ACAP2: variants seen among roughly 807,000 people sequenced by gnomAD.
ACAP2 encodes arf-GAP with coiled-coil, ANK repeat and PH domain-containing protein 2.
A neutral mutation model predicts 115.8 loss-of-function variants in ACAP2; 39 were observed. That is an observed-to-expected ratio of 0.34 (90% CI 0.26 to 0.44). The LOEUF (loss-of-function observed/expected upper bound fraction) is 0.44, where lower values mean the gene tolerates loss of function less well. Among genes scored for constraint, ACAP2 ranks in the 20% least tolerant of loss-of-function variants. The pLI, the probability that ACAP2 is intolerant of heterozygous loss-of-function variation, is 1.00. For synonymous variants in ACAP2, 289 were observed against 315.8 expected (o/e 0.92, Z 0.90); for missense variants, 662 against 927.6 (o/e 0.71, Z 3.72).
intron 22 of ACAP2, among the ~76,000 whole-genome samples, chr3:195,280,341 G>A (rs1726414636): frequency 6.6e-6 from 1 of 151,976 alleles, no homozygotes; most frequent in South Asian, 2.1e-4. Context: ...GCGTGGTGGT[G>A]GGCACCTGTA....
At chr3:195,384,597 C>T (rs1049121960) in intron 2 of ACAP2, among the ~76,000 whole-genome samples, 1 of 151,962 alleles carries the variant, frequency 6.6e-6, no homozygotes, top group Admixed American at 6.6e-5. Flanking sequence ...CATGGTGGTG[C>T]GCACCTGTAG....
intron 1 of ACAP2, among the ~76,000 whole-genome samples, chr3:195,400,511 A>G (rs1160305102): frequency 6.6e-6 from 1 of 152,122 alleles, no homozygotes; most frequent in African/African-American, 2.4e-5. Context: ...TTCCCTTAAA[A>G]AAAAAAAAAA....
chr3:195,290,996 A>C (rs1727214165), intron 20 of ACAP2, among the ~76,000 whole-genome samples: 1 of 152,126 alleles, frequency 6.6e-6, no homozygotes, highest in Non-Finnish European at 1.5e-5. Context: ...CCTAGGCAAC[A>C]GGGCGAGACC....
At position 195,377,138 on chromosome 3, in the gene ACAP2, C is replaced by CTTTTTTTTTTTTTTTTT. The variant is rs749352761; in HGVS notation, c.285+3854_285+3870dup. Among the ~76,000 whole-genome samples the CTTTTTTTTTTTTTTTTT allele has an allele frequency of 3.1e-4, 24 of 77,110 alleles. 5 individuals carry two copies. The highest frequency in any genetic ancestry group is 6.3e-4 in the African/African-American group (12 of 18,898). The allele number at this position is 77,110 out of a possible 152,430, so 50.6% of individuals were successfully genotyped here. On this transcript the variant is annotated intron_variant, in intron 4 of 22. Coordinates refer to ENST00000326793, the MANE Select transcript of ACAP2 (RefSeq NM_012287.6). ...CATTTTACAGAGGAGGAATGTAAAT[C>CTTTTTTTTTTTTTTTTT]TTTTTTTTTTTTTTTTTTTTTTTGG...
At chr3:195,419,125 C>A (rs187216504) in intron 1 of ACAP2, among the ~76,000 whole-genome samples, 2 of 150,404 alleles carry the variant, frequency 1.3e-5, no homozygotes, top group Admixed American at 1.3e-4. Context: ...GTGTACAATT[C>A]AATAGTTTTT....
Position 195,385,304 on chromosome 3 carries a change from TAG to T in ACAP2, c.112-3284_112-3283del, listed in dbSNP as rs959820772. The stretch of plus-strand genomic sequence containing the variant: ...TTACTGGCACATGGTAATTATTCAA[TAG>T]AGATTTGTGCTTCCTTGTCAGAGGG... On this transcript the variant is annotated intron_variant, in intron 2 of 22. Transcript: ENST00000326793. Among the ~76,000 whole-genome samples, 3 of 149,644 alleles carry T rather than the reference TAG, an allele frequency of 2.0e-5. No homozygotes were observed. In the Admixed American group the frequency reaches 2.0e-4, roughly 10 times the overall value.
rs1456909404 is a variant in ACAP2 at position 195,424,261 on chromosome 3, G to GTGTGTATATA, written c.53+18533_53+18534insTATATACACA. Reference sequence around the variant, plus strand: ...GTGTGTGTGGTGTGTGTGTGTGTGTGTATATATATATATATATATATATTT... The same window carrying GTGTGTATATA: ...GTGTGTGTGGTGTGTGTGTGTGTGTGTGTGTATATATATATATATATATATATATATATTT... On this transcript the variant is annotated intron_variant, in intron 1 of 22. Coordinates refer to ENST00000326793, the MANE Select transcript of ACAP2 (RefSeq NM_012287.6). Among the ~76,000 whole-genome samples, 29 of 54,654 alleles carry GTGTGTATATA rather than the reference G, an allele frequency of 5.3e-4. 1 individual carries two copies. Among genetic ancestry groups the GTGTGTATATA allele is most frequent in the African/African-American group, 1.8e-3 (27 of 14,776 alleles). The allele number at this position is 54,654 out of a possible 152,430, so 35.9% of individuals were successfully genotyped here. A position where few individuals can be genotyped will look rare whatever the true frequency, so the allele number is the denominator to read the frequency against.
intron 1 of ACAP2, among the ~76,000 whole-genome samples, chr3:195,432,434 T>C (rs913241591): frequency 6.6e-6 from 1 of 152,228 alleles, no homozygotes; most frequent in Non-Finnish European, 1.5e-5. Flanking sequence ...GCACCATTTG[T>C]TCAAAAGACT....
chr3:195,285,663 A>G (rs1449420775), intron 22 of ACAP2, 133 bp downstream of exon 22: 36 of 709,094 alleles, frequency 5.1e-5, no homozygotes, highest in Admixed American at 8.8e-5. Context: ...CACAATTTAC[A>G]AGTGGGTTAT....
intron 22 of ACAP2, chr3:195,282,587 G>A (rs1726577291): frequency 6.6e-6 from 1 of 152,092 alleles, no homozygotes; most frequent in Non-Finnish European, 1.5e-5. Context: ...TGATTACTTA[G>A]AATTTTTCCC....
intron 1 of ACAP2, among the ~76,000 whole-genome samples, chr3:195,401,365 T>C (rs919681336): frequency 1.3e-5 from 2 of 152,190 alleles, no homozygotes; most frequent in East Asian, 1.9e-4. Context: ...ATCACATGTG[T>C]ATATTAAGAG....
intron 2 of ACAP2, among the ~76,000 whole-genome samples, chr3:195,391,748 A>C (rs1734693572): frequency 6.6e-6 from 1 of 151,972 alleles, no homozygotes; most frequent in African/African-American, 2.4e-5. Flanking sequence ...TAATCCTAGC[A>C]CTTTGGGAGG....
intron 1 of ACAP2, among the ~76,000 whole-genome samples, chr3:195,398,352 A>G (rs1711978315): frequency 6.6e-6 from 1 of 152,140 alleles, no homozygotes; most frequent in East Asian, 1.9e-4. Context: ...CCTTTTATAA[A>G]TATCTCCACT....
intron 1 of ACAP2, among the ~76,000 whole-genome samples, chr3:195,397,571 A>G (rs1390340477): frequency 1.3e-5 from 2 of 152,056 alleles, no homozygotes; most frequent in African/African-American, 4.8e-5. Flanking sequence ...GGTCTCTACA[A>G]TATCTCTATG....
rs563151430 is a variant in ACAP2 at position 195,279,307 on chromosome 3, T to G, written c.*21A>C. On this transcript the variant is annotated 3_prime_UTR_variant, in exon 23 of 23. Transcript: ENST00000326793. ...CATTAGGGGGTCACCAGATTTCATATTTTCCCATTTTTAAAAAAATTCAGA... is the reference window on the plus strand; with the variant it reads ...CATTAGGGGGTCACCAGATTTCATAGTTTCCCATTTTTAAAAAAATTCAGA... The G allele has an allele frequency of 6.5e-7, 1 of 1,534,962 alleles. No individual in the cohort carries two copies. The highest frequency in any genetic ancestry group is 1.4e-5 in the African/African-American group (1 of 72,504).
chr3:195,393,245 AG>A (rs772410629), intron 1 of ACAP2, among the ~76,000 whole-genome samples: 6 of 152,200 alleles, frequency 3.9e-5, no homozygotes, highest in African/African-American at 7.2e-5. Flanking sequence ...CTGAGGTGGA[AG>A]GATCACTTGG....
At chr3:195,382,681 G>C (rs944463663) in intron 2 of ACAP2, among the ~76,000 whole-genome samples, 4 of 152,106 alleles carry the variant, frequency 2.6e-5, no homozygotes, top group African/African-American at 9.7e-5. Context: ...TCACCAAGAA[G>C]AGGATAAAGA....
intron 8 of ACAP2, among the ~76,000 whole-genome samples, chr3:195,327,965 T>C (rs1008888955): frequency 1.3e-5 from 2 of 152,016 alleles, no homozygotes; most frequent in Non-Finnish European, 2.9e-5. Context: ...TATATGTATA[T>C]ATATAACCCA....
chr3:195,438,469 G>A (rs12490460), intron 1 of ACAP2, among the ~76,000 whole-genome samples: 3,257 of 151,982 alleles, frequency 0.021, 114 homozygotes, highest in East Asian at 0.1. Context: ...TATAAAGATG[G>A]AAGGCAAAGG....
Sources: allele counts gnomAD v4.1 joint callset (sites outside exome capture counted in the v4.1 genomes callset), GRCh38; gene constraint gnomAD v4.1.1; transcripts MANE v1.5; gene names NCBI Gene and HGNC (gene_info 2026-07-23, HGNC 2026-07-21).